Variants in GUCY1A2 observed in about 807,000 individuals in gnomAD.
GUCY1A2 encodes guanylate cyclase 1 soluble subunit alpha 2.
Under a neutral mutation model 63.5 loss-of-function variants are expected in GUCY1A2, and 27 were observed. The ratio of observed to expected loss-of-function variants is 0.43; its 90% CI spans 0.31 to 0.59. GUCY1A2 has a LOEUF of 0.59. GUCY1A2 is among the 20% of genes least tolerant of loss of function. GUCY1A2 has a pLI of 0.11. For missense variants in GUCY1A2, 768 were observed against 913.3 expected, an observed-to-expected ratio of 0.84 and a Z score of 2.05; for synonymous variants, 364 against 343.5, an observed-to-expected ratio of 1.06 and a Z score of -0.66.
chr11:106,779,032 A>T (rs1213713913), intron 5 of GUCY1A2, among the ~76,000 whole-genome samples: 2 of 152,174 alleles, frequency 1.3e-5, no homozygotes, highest in Non-Finnish European at 2.9e-5. Context: ...TATTAAAAAG[A>T]TATACTGCAT....
At chr11:106,962,847 C>G (rs1861077120) in intron 3 of GUCY1A2, among the ~76,000 whole-genome samples, 1 of 150,772 alleles carries the variant, frequency 6.6e-6, no homozygotes, top group Admixed American at 6.6e-5. Flanking sequence ...TGAAACTGAT[C>G]TTTTGTCTAT....
At chr11:106,862,367 C>T (rs1859525168) in intron 4 of GUCY1A2, among the ~76,000 whole-genome samples, 4 of 151,872 alleles carry the variant, frequency 2.6e-5, no homozygotes, top group Admixed American at 2.6e-4. Flanking sequence ...CTAGTACAAA[C>T]AAGGAGGTTA....
intron 3 of GUCY1A2, among the ~76,000 whole-genome samples, chr11:106,949,561 C>T (rs80249326): frequency 0.016 from 2,462 of 152,274 alleles, 68 homozygotes; most frequent in African/African-American, 0.056. Flanking sequence ...TTCCTTGACA[C>T]TCTGAGACCG....
At chr11:106,705,886 G>A (rs1862901373) in intron 7 of GUCY1A2, among the ~76,000 whole-genome samples, 1 of 151,606 alleles carries the variant, frequency 6.6e-6, no homozygotes. Context: ...ACAAAACACG[G>A]GCCTTTGAAA....
In GUCY1A2 at chr11:106,897,883, C is replaced by T. The variant is rs531094946; in HGVS notation, c.1206+41577G>A. On this transcript the variant is annotated intron_variant, in intron 4 of 7. Transcript: ENST00000526355. The stretch of plus-strand genomic sequence containing the variant: ...ACTTCATTAAAATTAAAAATCTATG[C>T]TCCACAGAAAACAATATAAAGAGAA... 1.3e-4 allele frequency among the ~76,000 whole-genome samples: 20 copies of T among 152,042 alleles called. 1 individual carries two copies. In the South Asian group the frequency reaches 3.9e-3, roughly 30 times the overall value.
At position 106,894,162 on chromosome 11, in the gene GUCY1A2, C is replaced by T. The variant is rs576127537; in HGVS notation, c.1206+45298G>A. 2.8e-4 allele frequency among the ~76,000 whole-genome samples: 43 copies of T among 152,220 alleles called. No individual in the cohort carries two copies. The South Asian group carries it at 3.9e-3, about 14-fold the overall frequency. On this transcript the variant is annotated intron_variant, in intron 4 of 7. Transcript: ENST00000526355. ...TTCCGCATGGAGGAAGAGAAATACC[C>T]AACAGGTCAAGAAACAGAGTAAGTA...
chr11:106,825,861 C>G (rs1307889944), intron 4 of GUCY1A2, among the ~76,000 whole-genome samples: 2 of 152,138 alleles, frequency 1.3e-5, no homozygotes, highest in African/African-American at 4.8e-5. Flanking sequence ...GACCCGTGGG[C>G]TAGAGTTGGA....
At chr11:106,992,347 T>G (rs982172853) in intron 1 of GUCY1A2, among the ~76,000 whole-genome samples, 8 of 129,630 alleles carry the variant, frequency 6.2e-5, no homozygotes, top group African/African-American at 2.3e-4. Flanking sequence ...TTTTTTTTTT[T>G]GATACCGAGT....
chr11:106,886,848 A>C (rs957602663), intron 4 of GUCY1A2, among the ~76,000 whole-genome samples: 1 of 152,040 alleles, frequency 6.6e-6, no homozygotes, highest in Non-Finnish European at 1.5e-5. Context: ...AGAGTCCTCC[A>C]ATGGCTTTCT....
At position 106,679,697 on chromosome 11, in the gene GUCY1A2, GT is replaced by G; in HGVS notation, c.*7851del. ...AATATCACTTGCATAGTGTTAGTCTGTTTTTCTATGCTAATTTTAGCAGGGT... is the reference window on the plus strand; with the variant it reads ...AATATCACTTGCATAGTGTTAGTCTGTTTTCTATGCTAATTTTAGCAGGGT... On this transcript the variant is annotated 3_prime_UTR_variant, in exon 8 of 8. Transcript: ENST00000526355. 2 of 219,264 alleles carry G rather than the reference GT, an allele frequency of 9.1e-6. No homozygotes were observed. The highest frequency in any genetic ancestry group is 1.8e-5 in the Non-Finnish European group (2 of 109,274). 13.6% of individuals were successfully genotyped at this position (219,264 alleles called of 1,614,324 possible).
intron 4 of GUCY1A2, among the ~76,000 whole-genome samples, chr11:106,847,244 AT>A (rs1366350301): frequency 5.4e-5 from 5 of 92,516 alleles, no homozygotes; most frequent in Admixed American, 2.0e-4. Context: ...AAAAAAAAAT[AT>A]ATATATATAT....
intron 4 of GUCY1A2, among the ~76,000 whole-genome samples, chr11:106,927,638 C>A (rs1466862099): frequency 6.6e-6 from 1 of 151,440 alleles, no homozygotes; most frequent in Admixed American, 6.6e-5. Context: ...CATCTCGGCT[C>A]ACTGCAAGCT....
chr11:106,918,987 C>A (rs1456755933), intron 4 of GUCY1A2, among the ~76,000 whole-genome samples: 2 of 152,104 alleles, frequency 1.3e-5, no homozygotes, highest in Non-Finnish European at 2.9e-5. Context: ...TGTATTTCAT[C>A]TTTAATACCA....
chr11:106,932,880 T>C (rs771954654), intron 4 of GUCY1A2, among the ~76,000 whole-genome samples: 1 of 152,162 alleles, frequency 6.6e-6, no homozygotes, highest in Non-Finnish European at 1.5e-5. Flanking sequence ...GGACTCCCTA[T>C]TCAATAAATG....
chr11:106,893,235 T>G (rs1591316720), intron 4 of GUCY1A2, among the ~76,000 whole-genome samples: 1 of 152,332 alleles, frequency 6.6e-6, no homozygotes, highest in East Asian at 1.9e-4. Context: ...AATTTTTGGC[T>G]AAGCCAGAAA....
chr11:106,893,474 A>ATG (rs1358156964), intron 4 of GUCY1A2, among the ~76,000 whole-genome samples: 1 of 151,780 alleles, frequency 6.6e-6, no homozygotes, highest in Admixed American at 6.6e-5. Flanking sequence ...AAATATATAT[A>ATG]TACCACCTAT....
intron 4 of GUCY1A2, among the ~76,000 whole-genome samples, chr11:106,910,636 T>A (rs1565328936): frequency 6.6e-6 from 1 of 152,038 alleles, no homozygotes; most frequent in East Asian, 1.9e-4. Context: ...GATATGTGAC[T>A]ATAAAATGTG....
chr11:106,951,681 T>C (rs1164769907), intron 3 of GUCY1A2, among the ~76,000 whole-genome samples: 1 of 152,228 alleles, frequency 6.6e-6, no homozygotes, highest in East Asian at 1.9e-4. Context: ...TCCCATTCTG[T>C]AGGTTGCCTG....
At chr11:106,752,170 CT>C (rs1199916737) in intron 6 of GUCY1A2, among the ~76,000 whole-genome samples, 1 of 152,072 alleles carries the variant, frequency 6.6e-6, no homozygotes, top group Non-Finnish European at 1.5e-5. Flanking sequence ...AGGATTTGAG[CT>C]GGCCAAGAAA....
Sources: allele counts gnomAD v4.1 joint callset (sites outside exome capture counted in the v4.1 genomes callset), GRCh38; gene constraint gnomAD v4.1.1; transcripts MANE v1.5; gene names NCBI Gene and HGNC (gene_info 2026-07-23, HGNC 2026-07-21).